The following RAD51B variants were observed in gnomAD, a reference collection of about 807,000 sequenced individuals.
The protein encoded by RAD51B is DNA repair protein RAD51 homolog 2.
Under a neutral mutation model 42.2 loss-of-function variants are expected in RAD51B, and 38 were observed. The ratio of observed to expected loss-of-function variants is 0.90; its 90% CI spans 0.70 to 1.18. RAD51B has a LOEUF of 1.18. Ranked by LOEUF, RAD51B falls within the 50% of genes most tolerant of loss-of-function variation. The probability of loss-of-function intolerance (pLI) is 0.00; values close to 1 mark genes in which losing one functional copy is unlikely to be tolerated. For synonymous variants in RAD51B, 154 were observed against 145.2 expected, an observed-to-expected ratio of 1.06 and a Z score of -0.43; for missense variants, 373 against 400.7, an observed-to-expected ratio of 0.93 and a Z score of 0.59.
At chr14:68,405,386 G>C (rs1463542016) in intron 8 of RAD51B, among the ~76,000 whole-genome samples, 1 of 152,180 alleles carries the variant, frequency 6.6e-6, no homozygotes. Context: ...CAAGGTTACA[G>C]TGGGCTATGA....
intron 7 of RAD51B, among the ~76,000 whole-genome samples, chr14:68,288,069 G>C (rs1235995459): frequency 6.6e-6 from 1 of 152,162 alleles, no homozygotes; most frequent in Non-Finnish European, 1.5e-5. Context: ...CTTTCCCATG[G>C]AGCAAAGCAG....
intron 7 of RAD51B, among the ~76,000 whole-genome samples, chr14:68,049,933 C>G (rs1347822860): frequency 1.3e-5 from 2 of 152,180 alleles, no homozygotes; most frequent in African/African-American, 4.8e-5. Context: ...ATTTCCGGCT[C>G]CAACGTAAAG....
chr14:68,392,983 C>G (rs2083802191), intron 8 of RAD51B, among the ~76,000 whole-genome samples: 2 of 152,212 alleles, frequency 1.3e-5, no homozygotes, highest in Admixed American at 1.3e-4. Flanking sequence ...TCTGCCTCTG[C>G]TTTGCTGGCT....
intron 8 of RAD51B, among the ~76,000 whole-genome samples, chr14:68,403,966 G>A (rs576614935): frequency 1.8e-4 from 28 of 152,300 alleles, no homozygotes; most frequent in Admixed American, 1.7e-3. Context: ...TTACAGATGG[G>A]TTAGCAATCA....
intron 8 of RAD51B, among the ~76,000 whole-genome samples, chr14:68,367,805 G>A (rs555562835): frequency 2.0e-5 from 3 of 152,340 alleles, no homozygotes; most frequent in African/African-American, 7.2e-5. Context: ...GGGTCCTGAG[G>A]AAGTGGGATT....
At chr14:68,187,313 A>G (rs1033754120) in intron 7 of RAD51B, among the ~76,000 whole-genome samples, 1 of 152,168 alleles carries the variant, frequency 6.6e-6, no homozygotes, top group South Asian at 2.1e-4. Context: ...GCATCACACT[A>G]TATATCCAGG....
At chr14:68,459,751 G>A (rs11845050) in intron 9 of RAD51B, among the ~76,000 whole-genome samples, 8,104 of 152,276 alleles carry the variant, frequency 0.053, 682 homozygotes, top group African/African-American at 0.18. Context: ...TTTGCTGAAC[G>A]TATTACATTG....
intron 9 of RAD51B, among the ~76,000 whole-genome samples, chr14:68,422,559 CAAA>C (rs60206313): frequency 2.9e-5 from 3 of 104,580 alleles, no homozygotes; most frequent in Non-Finnish European, 1.9e-5. Context: ...GTCTCCATCT[CAAA>C]AAAAAAAAAA....
chr14:68,502,934 G>C (rs557927021), intron 10 of RAD51B, among the ~76,000 whole-genome samples: 1 of 152,290 alleles, frequency 6.6e-6, no homozygotes, highest in South Asian at 2.1e-4. Flanking sequence ...GCTAGATCCA[G>C]GGTGATGTGG....
intron 7 of RAD51B, among the ~76,000 whole-genome samples, chr14:68,045,854 A>G (rs899265043): frequency 2.0e-5 from 3 of 152,076 alleles, no homozygotes; most frequent in African/African-American, 7.2e-5. Context: ...TTAAGAAAAG[A>G]TTTATTTTTT....
intron 7 of RAD51B, among the ~76,000 whole-genome samples, chr14:68,042,590 T>G (rs1178256297): frequency 6.6e-6 from 1 of 152,186 alleles, no homozygotes; most frequent in Non-Finnish European, 1.5e-5. Context: ...CTGCCACATA[T>G]TTTTGTACAC....
intron 8 of RAD51B, among the ~76,000 whole-genome samples, chr14:68,334,373 A>G (rs1011535932): frequency 3.9e-5 from 6 of 152,218 alleles, no homozygotes; most frequent in East Asian, 1.9e-4. Flanking sequence ...AAGAGAAAAC[A>G]TATTTACCAT....
intron 9 of RAD51B, among the ~76,000 whole-genome samples, chr14:68,454,604 C>A (rs1566893776): frequency 6.6e-6 from 1 of 152,288 alleles, no homozygotes; most frequent in East Asian, 1.9e-4. Flanking sequence ...AGGTTTGGAG[C>A]ACCTTAAAAA....
chr14:68,494,514 G>A (rs1481495767), intron 10 of RAD51B, among the ~76,000 whole-genome samples: 3 of 152,104 alleles, frequency 2.0e-5, no homozygotes, highest in South Asian at 2.1e-4. Context: ...TCTGAAAGAC[G>A]GTGAACTGGG....
intron 8 of RAD51B, among the ~76,000 whole-genome samples, chr14:68,394,097 A>C (rs1002160975): frequency 6.6e-6 from 1 of 152,214 alleles, no homozygotes. Flanking sequence ...CATCTTCTGC[A>C]GGTGTAGGGA....
At chr14:68,029,000 C>A (rs2075998777) in intron 7 of RAD51B, among the ~76,000 whole-genome samples, 1 of 152,216 alleles carries the variant, frequency 6.6e-6, no homozygotes, top group Non-Finnish European at 1.5e-5. Flanking sequence ...GATGTGGGTT[C>A]CCCTGTAGCT....
At chr14:67,977,438 A>G (rs1482694291) in intron 7 of RAD51B, among the ~76,000 whole-genome samples, 1 of 152,256 alleles carries the variant, frequency 6.6e-6, no homozygotes, top group East Asian at 1.9e-4. Context: ...CCGGCCAACT[A>G]TCAGAATTGG....
intron 10 of RAD51B, among the ~76,000 whole-genome samples, chr14:68,508,838 T>C (rs759350596): frequency 6.6e-6 from 1 of 152,228 alleles, no homozygotes; most frequent in Non-Finnish European, 1.5e-5. Flanking sequence ...TTCTAGTGAA[T>C]AGCATTTCCA....
At chr14:68,592,688 C>G (rs971320707) in intron 10 of RAD51B, among the ~76,000 whole-genome samples, 1 of 152,208 alleles carries the variant, frequency 6.6e-6, no homozygotes, top group South Asian at 2.1e-4. Flanking sequence ...TGGCCACATG[C>G]CAGACACATA....
Sources: allele counts gnomAD v4.1 joint callset (sites outside exome capture counted in the v4.1 genomes callset), GRCh38; gene constraint gnomAD v4.1.1; transcripts MANE v1.5; gene names NCBI Gene and HGNC (gene_info 2026-07-23, HGNC 2026-07-21).